ABCB6: variants seen among roughly 807,000 people sequenced by gnomAD.
The protein encoded by ABCB6 is ATP-binding cassette sub-family B member 6.
In ABCB6, 87 loss-of-function variants were observed where a neutral mutation model predicts 99.4. The ratio of observed to expected loss-of-function variants is 0.88; its 90% CI spans 0.74 to 1.05. The LOEUF (loss-of-function observed/expected upper bound fraction) is 1.05, where lower values mean the gene tolerates loss of function less well. Ranked by LOEUF, ABCB6 falls within the 50% of genes least tolerant of loss-of-function variation. ABCB6 has a pLI of 0.00. For missense variants in ABCB6, 1,050 were observed against 1,097.9 expected (o/e 0.96, Z 0.62); for synonymous variants, 482 against 447.5 (o/e 1.08, Z -0.97).
At chr2:219,215,971 A>G (rs1163420417) in intron 5 of ABCB6, 26 bp downstream of exon 5, 3 of 1,533,450 alleles carry the variant, frequency 2.0e-6, no homozygotes, top group South Asian at 1.3e-5. Flanking sequence ...CCACCCTCCC[A>G]CATGCCCTTT....
intron 9 of ABCB6, 63 bp downstream of exon 9, chr2:219,213,763 A>G: frequency 1.2e-6 from 2 of 1,613,472 alleles, no homozygotes; most frequent in Non-Finnish European, 1.7e-6. Flanking sequence ...CCTGGTGACC[A>G]GACACAGGCC....
At chr2:219,213,107 A>G in intron 12 of ABCB6, 42 bp from the exon 13 acceptor site, 2 of 1,610,952 alleles carry the variant, frequency 1.2e-6, no homozygotes, top group South Asian at 2.2e-5. Context: ...ACCTTCCATC[A>G]CCAGAGCTGC....
Position 219,216,960 on chromosome 2 carries a change from G to T in ABCB6, c.688-128C>A. The T allele has an allele frequency of 1.3e-6, 1 of 798,800 alleles. No homozygotes were observed. The allele number at this position is 798,800 out of a possible 1,614,324, so 49.5% of individuals were successfully genotyped here. ...CTCAGACCCACAAGTGATCCTTGAT[G>T]GGGTCAGAAAAACTAAGTTGCAAAC... On this transcript the variant is annotated intron_variant, in intron 2 of 18. Coordinates refer to ENST00000265316, the MANE Select transcript of ABCB6 (RefSeq NM_005689.4). The surrounding 1 kb of genome is among the most constrained non-coding windows in gnomAD (Gnocchi z 4.2).
At chr2:219,217,920 TAAAAAAAA>T (rs373957284) in intron 1 of ABCB6, 113 bp from the exon 2 acceptor site, 1 of 990,438 alleles carries the variant, frequency 1.0e-6, no homozygotes, top group African/African-American at 1.9e-5. Context: ...CTTACAGGCT[TAAAAAAAA>T]AAAAAAAAGC....
chr2:219,210,312 G>T lies in ABCB6; in HGVS notation c.2352-14C>A. On this transcript the variant is annotated splice_polypyrimidine_tract_variant and intron_variant, in intron 17 of 18. Transcript: ENST00000265316. Reference sequence around the variant, plus strand: ...ACAGTTGAGAGCCTGAGAAGTCAAAGATCAGTCGCCTACTACCCCACCCAA... The same window carrying T: ...ACAGTTGAGAGCCTGAGAAGTCAAATATCAGTCGCCTACTACCCCACCCAA... 1 of 1,614,218 alleles carries T rather than the reference G, an allele frequency of 6.2e-7. No homozygotes were observed. Among genetic ancestry groups the T allele is most frequent in the Non-Finnish European group, 8.5e-7 (1 of 1,180,048 alleles).
chr2:219,215,211 C>T, intron 5 of ABCB6, 129 bp from the exon 6 acceptor site: 1 of 1,200,718 alleles, frequency 8.3e-7, no homozygotes, highest in Admixed American at 2.6e-5. Context: ...TAATTCTACC[C>T]TCAAGAGGTG....
chr2:219,213,761 C>T, intron 9 of ABCB6, 65 bp downstream of exon 9: 1 of 1,613,596 alleles, frequency 6.2e-7, no homozygotes, highest in South Asian at 1.1e-5. Flanking sequence ...AGCCTGGTGA[C>T]CAGACACAGG....
chr2:219,211,154 G>A, intron 14 of ABCB6, 46 bp from the exon 15 acceptor site: 3 of 1,601,666 alleles, frequency 1.9e-6, no homozygotes, highest in Non-Finnish European at 2.6e-6. Context: ...ATACCCCCAA[G>A]GCCTGGGAGG....
At position 219,212,450 on chromosome 2, in the gene ABCB6, CA is replaced by C. The variant is rs1381606788; in HGVS notation, c.1904del (p.Leu635ArgfsTer15). On this transcript the variant is annotated frameshift_variant, in exon 14 of 19. Coordinates refer to ENST00000265316, the MANE Select transcript of ABCB6 (RefSeq NM_005689.4). LOFTEE classifies it high-confidence loss of function. ...SGAGKSTILR[L>X]LFRFYDISSG... ...AGCTGATGTCGTAGAAGCGAAACAGCAGGCGCAAAATTGTGCTCTTCCCTGC... is the reference window on the plus strand; with the variant it reads ...AGCTGATGTCGTAGAAGCGAAACAGCGGCGCAAAATTGTGCTCTTCCCTGC... 1 of 1,614,172 alleles carries C rather than the reference CA, an allele frequency of 6.2e-7. No homozygotes were observed. The highest frequency in any genetic ancestry group is 1.7e-5 in the Admixed American group (1 of 60,026).
rs553626350 is a variant in ABCB6, at chr2:219,218,697, G to C, written c.-24C>G. ...ATGGCAATGCGTGGACGCCGGCCGA[G>C]GCTGCGGGCACTGCGGGACCGGAGG... On this transcript the variant is annotated 5_prime_UTR_variant, in exon 1 of 19. Transcript: ENST00000265316. 1.3e-6 allele frequency: 2 copies of C among 1,524,872 alleles called. No homozygotes were observed. Among genetic ancestry groups the C allele is most frequent in the South Asian group, 2.6e-5 (2 of 78,410 alleles). The allele number at this position is 1,524,872 out of a possible 1,614,324, so 94.5% of individuals were successfully genotyped here. A position where few individuals can be genotyped will look rare whatever the true frequency, so the allele number is the denominator to read the frequency against.
rs752702110 is a variant in ABCB6, at chr2:219,211,009, T to G, written c.2068A>C (p.Thr690Pro). Reference protein sequence around the residue: ...IADNIRYGRVTAGNDEVEAAA... With the variant: ...IADNIRYGRVPAGNDEVEAAA... ...GCCTCCACCTCATCATTCCCAGCTG[T>G]GACACGGCCGTAACGGATATTGTCG... The change falls in exon 15 of 19, where the codon ACA becomes CCA. Residue 690 changes from threonine (T) to proline (P), a missense_variant. Physicochemically the swap from Thr to Pro is conservative, Grantham distance 38 (BLOSUM62 -1). Coordinates refer to ENST00000265316, the MANE Select transcript of ABCB6 (RefSeq NM_005689.4). 1 of 1,614,086 alleles carries G rather than the reference T, an allele frequency of 6.2e-7. No individual in the cohort carries two copies. Among genetic ancestry groups the G allele is most frequent in the African/African-American group, 1.3e-5 (1 of 75,004 alleles).
At chr2:219,213,533 G>A in intron 10 of ABCB6, 31 bp from the exon 11 acceptor site, 1 of 1,614,164 alleles carries the variant, frequency 6.2e-7, no homozygotes, top group South Asian at 1.1e-5. Context: ...GGACTTCTCT[G>A]AGTAGCCAGG....
Position 219,213,612 on chromosome 2 carries a change from T to C in ABCB6, c.1633A>G (p.Asn545Asp). ...TYIIQLYMPL[N>D]WFGTYYRMIQ... ...TACCTGTAGTAGGTGCCAAACCAAT[T>C]GAGGGGCATGTACAGCTGGATAATG... The change falls in exon 10 of 19, where the codon AAT becomes GAT. Residue 545 changes from asparagine (N) to aspartate (D), a missense_variant. Transcript: ENST00000265316. The C allele has an allele frequency of 1.2e-6, 2 of 1,614,094 alleles. No individual in the cohort carries two copies. The highest frequency in any genetic ancestry group is 1.6e-4 in the Middle Eastern group (1 of 6,062).
chr2:219,213,186 G>C (rs902185312), intron 12 of ABCB6, 55 bp downstream of exon 12: 3 of 1,608,598 alleles, frequency 1.9e-6, no homozygotes, highest in Non-Finnish European at 2.6e-6. Context: ...CTGAGAAGCA[G>C]GAAGGCAGTG....
At position 219,213,932 on chromosome 2, in the gene ABCB6, C is replaced by G; in HGVS notation, c.1472G>C (p.Ser491Thr). The change falls in exon 9 of 19, where the codon AGC (serine) becomes ACC (threonine). Residue 491 changes from serine to threonine, a missense_variant. Transcript: ENST00000265316. ...IKYQGLEWKS[S>T]ASLVLLNQTQ... ...CTGATTTAGTAAAACCAGTGAAGCGCTCGACTTCCACTCCAAACCCTGAGG... is the reference window on the plus strand; with the variant it reads ...CTGATTTAGTAAAACCAGTGAAGCGGTCGACTTCCACTCCAAACCCTGAGG... 1.2e-6 allele frequency: 2 copies of G among 1,614,020 alleles called. No individual in the cohort carries two copies. The highest frequency in any genetic ancestry group is 1.7e-6 in the Non-Finnish European group (2 of 1,180,026).
chr2:219,213,997 C>T (rs1484995960), intron 8 of ABCB6, 46 bp from the exon 9 acceptor site: 1 of 1,612,940 alleles, frequency 6.2e-7, no homozygotes, highest in Non-Finnish European at 8.5e-7. Context: ...ACACAATGGC[C>T]ATCAGTGAGT....
chr2:219,215,316 C>T (rs1950626420), intron 5 of ABCB6: 2 of 501,638 alleles, frequency 4.0e-6, no homozygotes, highest in Non-Finnish European at 7.1e-6. Flanking sequence ...AATATATCTC[C>T]ATAATGTTCT....
rs753025645 is a variant in ABCB6, at chr2:219,214,117, T to C, written c.1452+4A>G. ...CTCCGGAGGCCTCAAACTAGCATCCTCACCTGATATTTGATGATGGCCTCT... is the reference window on the plus strand; with the variant it reads ...CTCCGGAGGCCTCAAACTAGCATCCCCACCTGATATTTGATGATGGCCTCT... On this transcript the variant is annotated splice_donor_region_variant and intron_variant, in intron 8 of 18. Transcript: ENST00000265316. 5 of 1,614,168 alleles carry C rather than the reference T, an allele frequency of 3.1e-6. No homozygotes were observed. The highest frequency in any genetic ancestry group is 1.3e-5 in the African/African-American group (1 of 75,052).
In ABCB6 at chr2:219,214,452, A is replaced by G. The variant is rs1489186031; in HGVS notation, c.1323T>C (p.Ala441=). The change falls in exon 7 of 19, where the codon GCT becomes GCC. Residue 441 remains alanine, a synonymous_variant. Transcript: ENST00000265316. ...GGGTAGCGTTCTCCTGTGTGTTCAT[A>G]GCACGACGAAACTTGGTTCTCCACT... ...VTEWRTKFRR[A]MNTQENATRA... The G allele has an allele frequency of 1.2e-6, 2 of 1,614,186 alleles. No homozygotes were observed. The highest frequency in any genetic ancestry group is 4.5e-5 in the East Asian group (2 of 44,886).
Sources: allele counts gnomAD v4.1 joint callset, GRCh38; gene constraint gnomAD v4.1.1; non-coding constraint Gnocchi (gnomAD v3.1); transcripts MANE v1.5; gene names NCBI Gene and HGNC (gene_info 2026-07-23, HGNC 2026-07-21).